Variants in SUGCT observed in about 807,000 individuals in gnomAD.
SUGCT encodes succinyl-CoA:glutarate CoA-transferase.
SUGCT carries 41 observed loss-of-function variants against 55.0 expected under a neutral mutation model. The observed-to-expected ratio is 0.74, with a 90% CI of 0.58 to 0.97. The LOEUF is 0.97. Among genes scored for constraint, SUGCT ranks in the 50% least tolerant of loss-of-function variants. SUGCT has a pLI of 0.00. For synonymous variants in SUGCT, 187 were observed against 200.4 expected (o/e 0.93, Z 0.56); for missense variants, 568 against 547.8 (o/e 1.04, Z -0.37).
chr7:40,276,410 G>T (rs1215263784), intron 8 of SUGCT, among the ~76,000 whole-genome samples: 1 of 152,134 alleles, frequency 6.6e-6, no homozygotes, highest in South Asian at 2.1e-4. Context: ...GTCATGGGTA[G>T]CCCTGGGCTT....
At chr7:40,446,627 A>G (rs757364673) in intron 9 of SUGCT, among the ~76,000 whole-genome samples, 7 of 152,192 alleles carry the variant, frequency 4.6e-5, no homozygotes, top group South Asian at 2.1e-4. Context: ...TTTATAATGT[A>G]TTTCTTGGGA....
intron 13 of SUGCT, among the ~76,000 whole-genome samples, chr7:40,800,040 C>T (rs948063201): frequency 2.0e-5 from 3 of 152,114 alleles, no homozygotes; most frequent in African/African-American, 7.2e-5. Context: ...CACTGTGCTC[C>T]AAGCAGACGT....
intron 13 of SUGCT, among the ~76,000 whole-genome samples, chr7:40,796,488 T>TATTG (rs1333450301): frequency 1.3e-5 from 2 of 152,118 alleles, no homozygotes; most frequent in Non-Finnish European, 2.9e-5. Context: ...GAAGGAGGAA[T>TATTG]ATTGAGCTTT....
rs763107282 is a variant in SUGCT at position 40,459,131 on chromosome 7, T to C, written c.919T>C (p.Ser307Pro). The C allele has an allele frequency of 1.9e-5, 30 of 1,611,456 alleles. No homozygotes were observed. In the African/African-American group the frequency reaches 2.8e-4, roughly 15 times the overall value. Residue 307 changes from serine (S) to proline (P), a missense_variant, in exon 11 of 14, where the codon TCC (serine) becomes CCC (proline). Ser to Pro is a moderately conservative substitution (Grantham distance 74). Transcript: ENST00000335693. ...GGATTTGCCTGAGTTGATTGATAAT[T>C]CCAAGTATAAAACTAACCACCTTCG... The part of the protein sequence containing the change: ...ILDLPELIDN[S>P]KYKTNHLRVH...
At chr7:40,423,917 C>A (rs1787445800) in intron 9 of SUGCT, among the ~76,000 whole-genome samples, 1 of 151,904 alleles carries the variant, frequency 6.6e-6, no homozygotes, top group South Asian at 2.1e-4. Context: ...TATTTCAGGT[C>A]CCTGTTTTCA....
chr7:40,896,890 C>G, the SUGCT span, among the ~76,000 whole-genome samples: 6 of 152,246 alleles, frequency 3.9e-5, 1 homozygote, highest in Admixed American at 3.3e-4. Context: ...CAAAAGTCCT[C>G]AAATAGTCAA....
chr7:40,144,054 G>A (rs1250482162), intron 1 of SUGCT, among the ~76,000 whole-genome samples: 2 of 151,790 alleles, frequency 1.3e-5, no homozygotes, highest in Admixed American at 6.6e-5. Context: ...ACAGAATGTT[G>A]GACAAACTAC....
intron 6 of SUGCT, among the ~76,000 whole-genome samples, chr7:40,210,961 A>G (rs1787301893): frequency 6.6e-6 from 1 of 152,172 alleles, no homozygotes. Context: ...AATTGAACAT[A>G]CTGACATATT....
chr7:40,622,709 T>TTG lies in SUGCT; in HGVS notation c.1089+126335_1089+126336dup, dbSNP rs1360874579. ...CACTTAATAGGATGTGTGTGTGTGT[T>TTG]TGTGTGTGTGTGTCTGTGTGTGTCT... On this transcript the variant is annotated intron_variant, in intron 12 of 13. Transcript: ENST00000335693. Among the ~76,000 whole-genome samples, 24 of 146,736 alleles carry TTG rather than the reference T, an allele frequency of 1.6e-4. No individual in the cohort carries two copies. The South Asian group carries it at 4.8e-3, about 30-fold the overall frequency.
the SUGCT span, among the ~76,000 whole-genome samples, chr7:40,874,582 ATTAG>A: frequency 2.6e-5 from 4 of 152,154 alleles, no homozygotes; most frequent in East Asian, 3.8e-4. Context: ...GCTGCTCCAA[ATTAG>A]TTATAGACAT....
chr7:40,894,237 T>A, the SUGCT span, among the ~76,000 whole-genome samples: 1 of 152,064 alleles, frequency 6.6e-6, no homozygotes, highest in Admixed American at 6.5e-5. Flanking sequence ...GAGAAAGGGA[T>A]CCCTATTCAG....
intron 12 of SUGCT, among the ~76,000 whole-genome samples, chr7:40,670,169 C>CAAAAAAAAAAA (rs34786531): frequency 3.6e-4 from 21 of 58,198 alleles, no homozygotes; most frequent in Admixed American, 4.3e-4. Flanking sequence ...GACTCCATCT[C>CAAAAAAAAAAA]AAAAAAAAAA....
At chr7:40,812,083 C>T (rs1481270670) in intron 13 of SUGCT, among the ~76,000 whole-genome samples, 1 of 152,144 alleles carries the variant, frequency 6.6e-6, no homozygotes, top group East Asian at 1.9e-4. Context: ...TATGTTGAGT[C>T]AACCTTGCAT....
chr7:41,024,661 CAAAA>C, the SUGCT span, among the ~76,000 whole-genome samples: 2 of 121,504 alleles, frequency 1.6e-5, no homozygotes, highest in Admixed American at 8.9e-5. Context: ...AACAATTTGG[CAAAA>C]AAAAAAAAAA....
At chr7:40,204,054 T>TCATA (rs1239185818) in intron 6 of SUGCT, among the ~76,000 whole-genome samples, 4 of 151,996 alleles carry the variant, frequency 2.6e-5, no homozygotes, top group Admixed American at 1.3e-4. Context: ...AGTGGCATGA[T>TCATA]CATAGCTCAC....
At chr7:40,714,907 A>G (rs1402858163) in intron 12 of SUGCT, among the ~76,000 whole-genome samples, 1 of 152,162 alleles carries the variant, frequency 6.6e-6, no homozygotes, top group Non-Finnish European at 1.5e-5. Flanking sequence ...AAACTCCCAC[A>G]CTGGGTAGTG....
At chr7:40,496,228 G>A (rs536804073) in intron 11 of SUGCT, 56 bp from the exon 12 acceptor site, 4 of 1,090,108 alleles carry the variant, frequency 3.7e-6, no homozygotes, top group Non-Finnish European at 5.5e-6. Flanking sequence ...CATGATAGAA[G>A]AGGCTGTGTT....
At chr7:40,310,363 G>A (rs1448517640) in intron 8 of SUGCT, among the ~76,000 whole-genome samples, 1 of 152,220 alleles carries the variant, frequency 6.6e-6, no homozygotes. Flanking sequence ...ATGAGGAACT[G>A]TCACAGCGAA....
chr7:40,274,992 G>C (rs1271583480), intron 8 of SUGCT, among the ~76,000 whole-genome samples: 1 of 151,962 alleles, frequency 6.6e-6, no homozygotes, highest in Non-Finnish European at 1.5e-5. Flanking sequence ...GTAGAGATGG[G>C]GTTTCTCCAT....
Sources: allele counts gnomAD v4.1 joint callset (sites outside exome capture counted in the v4.1 genomes callset), GRCh38; gene constraint gnomAD v4.1.1; transcripts MANE v1.5; gene names NCBI Gene and HGNC (gene_info 2026-07-23, HGNC 2026-07-21).